The following C1orf185 variants were observed in gnomAD, a reference collection of about 807,000 sequenced individuals.
The protein encoded by C1orf185 is uncharacterized protein C1orf185.
A neutral mutation model predicts 16.1 loss-of-function variants in C1orf185; 13 were observed. That is an observed-to-expected ratio of 0.81 (90% confidence interval 0.53 to 1.28). C1orf185 has a LOEUF of 1.28. C1orf185 is among the 50% of genes most tolerant of loss of function. The pLI is 0.00. For missense variants in C1orf185, 220 were observed against 225.2 expected, an observed-to-expected ratio of 0.98 and a Z score of 0.15; for synonymous variants, 80 against 76.9, an observed-to-expected ratio of 1.04 and a Z score of -0.21.
intron 3 of C1orf185, among the ~76,000 whole-genome samples, chr1:51,125,058 C>T (rs1280054009): frequency 6.6e-6 from 1 of 152,182 alleles, no homozygotes; most frequent in Non-Finnish European, 1.5e-5. Flanking sequence ...CTCTGGATAC[C>T]TTACCCAAAG....
intron 3 of C1orf185, among the ~76,000 whole-genome samples, chr1:51,136,662 C>G (rs886067504): frequency 6.6e-6 from 1 of 151,940 alleles, no homozygotes; most frequent in Non-Finnish European, 1.5e-5. Flanking sequence ...GGAAGAATTC[C>G]CTATTCAGTA....
At chr1:51,127,515 A>G (rs1646250565) in intron 3 of C1orf185, among the ~76,000 whole-genome samples, 2 of 152,106 alleles carry the variant, frequency 1.3e-5, no homozygotes, top group Non-Finnish European at 2.9e-5. Flanking sequence ...CGAGCTCCTG[A>G]CCTCAGGTGA....
downstream of C1orf185, among the ~76,000 whole-genome samples, chr1:51,150,652 A>G (rs1056022909): frequency 3.3e-5 from 5 of 152,250 alleles, no homozygotes; most frequent in Non-Finnish European, 7.3e-5. Flanking sequence ...AGAACTATAA[A>G]GGATCTGAGA....
intron 1 of C1orf185, among the ~76,000 whole-genome samples, chr1:51,107,560 T>C (rs1377436401): frequency 3.3e-5 from 5 of 152,110 alleles, no homozygotes; most frequent in Non-Finnish European, 7.3e-5. Context: ...TGAATATACA[T>C]TTATAGAACT....
chr1:51,150,551 T>TATATACATATA (rs1646425597), downstream of C1orf185, among the ~76,000 whole-genome samples: 2 of 152,158 alleles, frequency 1.3e-5, no homozygotes. Context: ...AAAATCTTAC[T>TATATACATATA]CCATATCATA....
chr1:51,103,478 G>T (rs1646048049), intron 1 of C1orf185, among the ~76,000 whole-genome samples: 1 of 144,962 alleles, frequency 6.9e-6, no homozygotes, highest in African/African-American at 2.5e-5. Context: ...AAAACTTGTT[G>T]AGTCTTGCTT....
intron 3 of C1orf185, among the ~76,000 whole-genome samples, chr1:51,122,281 T>C (rs971849682): frequency 1.3e-5 from 2 of 152,206 alleles, no homozygotes; most frequent in Non-Finnish European, 2.9e-5. Context: ...ATTAAATAAT[T>C]CCAAATTGTT....
chr1:51,123,184 A>G (rs1646210765), intron 3 of C1orf185, among the ~76,000 whole-genome samples: 1 of 152,206 alleles, frequency 6.6e-6, no homozygotes, highest in Non-Finnish European at 1.5e-5. Flanking sequence ...CACTCCTGTG[A>G]TAACCCATTA....
At chr1:51,135,910 A>T (rs1326809967) in intron 3 of C1orf185, among the ~76,000 whole-genome samples, 1 of 152,148 alleles carries the variant, frequency 6.6e-6, no homozygotes, top group African/African-American at 2.4e-5. Flanking sequence ...AGAAAACCCC[A>T]TTGTCTCAGC....
intron 3 of C1orf185, among the ~76,000 whole-genome samples, chr1:51,129,087 G>C (rs1402158746): frequency 6.6e-6 from 1 of 151,938 alleles, no homozygotes; most frequent in Non-Finnish European, 1.5e-5. Context: ...GTTTCACCAT[G>C]TTGGCCAGGC....
chr1:51,105,716 G>C (rs1646064605), intron 1 of C1orf185, among the ~76,000 whole-genome samples: 1 of 152,136 alleles, frequency 6.6e-6, no homozygotes, highest in Non-Finnish European at 1.5e-5. Flanking sequence ...ACTATTGAAA[G>C]TGGGGAGTTA....
rs1428068805 is a variant in C1orf185 at position 51,118,904 on chromosome 1, A to G, written c.258+103A>G. ...TCTGAAGGACAGAGAATCCACTATT[A>G]TTTTTTAATTTGAGGGACAAACTAG... On this transcript the variant is annotated intron_variant, in intron 3 of 4. Transcript: ENST00000371759. 3 of 951,456 alleles carry G rather than the reference A, an allele frequency of 3.2e-6. No individual in the cohort carries two copies. In the African/African-American group the frequency reaches 5.1e-5, roughly 16 times the overall value. The allele number at this position is 951,456 out of a possible 1,614,324, so 58.9% of individuals were successfully genotyped here.
chr1:51,117,690 CTCATT>C (rs1302802812), intron 2 of C1orf185, among the ~76,000 whole-genome samples: 1 of 152,166 alleles, frequency 6.6e-6, no homozygotes, highest in African/African-American at 2.4e-5. Flanking sequence ...GCCTTAATAG[CTCATT>C]TCTTTCTTTT....
intron 3 of C1orf185, among the ~76,000 whole-genome samples, chr1:51,136,460 A>G (rs1364917566): frequency 1.3e-5 from 2 of 152,112 alleles, no homozygotes; most frequent in Non-Finnish European, 2.9e-5. Context: ...AGCAAAAAGA[A>G]CAAAGCTGGC....
chr1:51,118,594 T>G (rs1646174514), intron 2 of C1orf185, 72 bp from the exon 3 acceptor site: 2 of 933,836 alleles, frequency 2.1e-6, no homozygotes, highest in African/African-American at 3.4e-5. Context: ...GTATAAATAT[T>G]GGAAATAATG....
At chr1:51,118,243 G>T (rs1001882878) in intron 2 of C1orf185, among the ~76,000 whole-genome samples, 1 of 152,154 alleles carries the variant, frequency 6.6e-6, no homozygotes, top group Non-Finnish European at 1.5e-5. Context: ...CCAGAAATAT[G>T]ATTAAATACC....
At chr1:51,138,684 G>C (rs1308291184) in intron 3 of C1orf185, among the ~76,000 whole-genome samples, 1 of 147,906 alleles carries the variant, frequency 6.8e-6, no homozygotes, top group East Asian at 2.0e-4. Flanking sequence ...GAGCCACCGT[G>C]CTGGCCCAGA....
intron 3 of C1orf185, among the ~76,000 whole-genome samples, chr1:51,135,594 TA>T (rs1273192380): frequency 6.6e-6 from 1 of 152,168 alleles, no homozygotes; most frequent in Non-Finnish European, 1.5e-5. Flanking sequence ...AGCCTTTCAA[TA>T]AAATTTAACA....
At chr1:51,144,043 G>T (rs1022798575) in intron 3 of C1orf185, among the ~76,000 whole-genome samples, 1 of 152,178 alleles carries the variant, frequency 6.6e-6, no homozygotes, top group African/African-American at 2.4e-5. Context: ...GGTTTATTAA[G>T]TTTCACTAGA....
Sources: allele counts gnomAD v4.1 joint callset (sites outside exome capture counted in the v4.1 genomes callset), GRCh38; gene constraint gnomAD v4.1.1; transcripts MANE v1.5; gene names NCBI Gene and HGNC (gene_info 2026-07-23, HGNC 2026-07-21).